The following CDKAL1 variants were observed in gnomAD, a reference collection of about 807,000 sequenced individuals.
The protein encoded by CDKAL1 is threonylcarbamoyladenosine tRNA methylthiotransferase.
A neutral mutation model predicts 68.2 loss-of-function variants in CDKAL1; 32 were observed. That is an observed-to-expected ratio of 0.47 (90% CI 0.35 to 0.63). The LOEUF is 0.63. Ranked by LOEUF, CDKAL1 falls within the 30% of genes least tolerant of loss-of-function variation. CDKAL1 has a pLI of 0.00. For synonymous variants in CDKAL1, 234 were observed against 244.3 expected (o/e 0.96, Z 0.39); for missense variants, 606 against 696.7 (o/e 0.87, Z 1.47).
chr6:20,955,599 C>T lies in CDKAL1; in HGVS notation c.909+14C>T. ...GAGCATCTGGAGGTAAGGAAAAGCA[C>T]CCTATTTGCATGCTAACATAGACAC... On this transcript the variant is annotated intron_variant, in intron 10 of 15. Transcript: ENST00000274695. 3 of 1,612,794 alleles carry T rather than the reference C, an allele frequency of 1.9e-6. No homozygotes were observed. Among genetic ancestry groups the T allele is most frequent in the Non-Finnish European group, 2.5e-6 (3 of 1,179,172 alleles).
intron 12 of CDKAL1, among the ~76,000 whole-genome samples, chr6:21,068,183 G>A (rs1771565082): frequency 6.6e-6 from 1 of 151,902 alleles, no homozygotes; most frequent in Non-Finnish European, 1.5e-5. Flanking sequence ...TCTCTTCATG[G>A]TGCCTTTTGA....
At chr6:21,083,040 A>G (rs780716952) in intron 12 of CDKAL1, among the ~76,000 whole-genome samples, 2 of 151,738 alleles carry the variant, frequency 1.3e-5, no homozygotes, top group Non-Finnish European at 2.9e-5. Flanking sequence ...CACCTGGTTA[A>G]TTTTTTGTAG....
intron 5 of CDKAL1, among the ~76,000 whole-genome samples, chr6:20,713,600 G>A (rs1771947090): frequency 6.6e-6 from 1 of 152,110 alleles, no homozygotes; most frequent in Non-Finnish European, 1.5e-5. Flanking sequence ...GATATGGTAA[G>A]CACATTTGCA....
intron 10 of CDKAL1, among the ~76,000 whole-genome samples, chr6:20,958,580 C>A (rs1764900059): frequency 6.6e-6 from 1 of 152,076 alleles, no homozygotes; most frequent in South Asian, 2.1e-4. Context: ...GGGTACTGAA[C>A]AGAGTTCACC....
At chr6:20,585,298 C>T (rs1457867273) in intron 4 of CDKAL1, among the ~76,000 whole-genome samples, 20 of 152,106 alleles carry the variant, frequency 1.3e-4, no homozygotes, top group African/African-American at 3.9e-4. Context: ...GTGATCCGCC[C>T]GCCTTGGCCT....
chr6:21,047,427 G>A (rs1428914162), intron 11 of CDKAL1, among the ~76,000 whole-genome samples: 2 of 152,148 alleles, frequency 1.3e-5, no homozygotes, highest in Non-Finnish European at 2.9e-5. Context: ...AGGACGTAAA[G>A]GAAAATATTG....
At chr6:20,567,813 A>G (rs746629586) in intron 4 of CDKAL1, among the ~76,000 whole-genome samples, 2 of 152,080 alleles carry the variant, frequency 1.3e-5, no homozygotes, top group Non-Finnish European at 2.9e-5. Context: ...TCCCAGGCTC[A>G]AGAGATCCTC....
chr6:20,929,348 G>A (rs1445379547), intron 9 of CDKAL1, among the ~76,000 whole-genome samples: 2 of 152,166 alleles, frequency 1.3e-5, no homozygotes, highest in South Asian at 2.1e-4. Context: ...TTGGGGGCAA[G>A]GATAGCATTT....
chr6:20,609,895 C>G (rs905556322), intron 4 of CDKAL1, among the ~76,000 whole-genome samples: 6 of 152,098 alleles, frequency 3.9e-5, no homozygotes, highest in African/African-American at 1.4e-4. Flanking sequence ...AGCCCAGTAT[C>G]CGTTAGTTAT....
chr6:21,076,116 G>T (rs1256208645), intron 12 of CDKAL1, among the ~76,000 whole-genome samples: 1 of 152,152 alleles, frequency 6.6e-6, no homozygotes, highest in African/African-American at 2.4e-5. Flanking sequence ...ATGTAAGGGA[G>T]TGTTTCTAAG....
chr6:21,198,145 A>G (rs763029931), intron 14 of CDKAL1, 41 bp downstream of exon 14: 1 of 1,359,410 alleles, frequency 7.4e-7, no homozygotes, highest in Non-Finnish European at 1.0e-6. Flanking sequence ...CTCCAAAGTG[A>G]GAAAGAGTTC....
intron 5 of CDKAL1, among the ~76,000 whole-genome samples, chr6:20,678,243 A>G (rs968683210): frequency 2.0e-5 from 3 of 152,146 alleles, no homozygotes; most frequent in African/African-American, 7.2e-5. Flanking sequence ...TAGATGTTCT[A>G]ATTTTATTGT....
At chr6:20,733,064 G>A (rs1323558211) in intron 5 of CDKAL1, among the ~76,000 whole-genome samples, 11 of 152,146 alleles carry the variant, frequency 7.2e-5, no homozygotes, top group Admixed American at 6.5e-4. Context: ...CTGCCCAGCC[G>A]CCCCAGTGCC....
At chr6:20,618,225 G>A (rs774831348) in intron 4 of CDKAL1, among the ~76,000 whole-genome samples, 16 of 152,194 alleles carry the variant, frequency 1.1e-4, no homozygotes, top group Admixed American at 6.5e-4. Context: ...CTTTTGAGAA[G>A]TGTCCGTTCA....
At chr6:20,863,130 T>G (rs1286608175) in intron 9 of CDKAL1, among the ~76,000 whole-genome samples, 1 of 152,208 alleles carries the variant, frequency 6.6e-6, no homozygotes, top group Non-Finnish European at 1.5e-5. Context: ...TTGGTGGGTC[T>G]TGTATGGGGC....
At chr6:20,957,807 G>A (rs1269553089) in intron 10 of CDKAL1, among the ~76,000 whole-genome samples, 2 of 151,834 alleles carry the variant, frequency 1.3e-5, no homozygotes, top group Admixed American at 6.6e-5. Flanking sequence ...CCCGTCTCTA[G>A]TAAAAACACA....
At chr6:20,551,960 C>T (rs1163726383) in intron 4 of CDKAL1, among the ~76,000 whole-genome samples, 2 of 150,882 alleles carry the variant, frequency 1.3e-5, no homozygotes, top group African/African-American at 2.4e-5. Flanking sequence ...AGCTCCTGGG[C>T]TCAAGTGGTC....
intron 4 of CDKAL1, among the ~76,000 whole-genome samples, chr6:20,560,350 T>C (rs1000712803): frequency 1.3e-5 from 2 of 152,188 alleles, no homozygotes; most frequent in Non-Finnish European, 2.9e-5. Flanking sequence ...CTTGTGCAGA[T>C]ACCCGTCTGC....
chr6:20,677,350 G>A lies in CDKAL1; in HGVS notation c.371+27973G>A, dbSNP rs546956051. On this transcript the variant is annotated intron_variant, in intron 5 of 15. Transcript: ENST00000274695. ...CTCTCAAAGTGTTGGGATTACAGGC[G>A]TGAGCCATCGTGCCTGGCTAAATTT... 1.1e-4 allele frequency among the ~76,000 whole-genome samples: 17 copies of A among 152,200 alleles called. No individual in the cohort carries two copies. In the South Asian group the frequency reaches 2.9e-3, roughly 26 times the overall value.
Sources: allele counts gnomAD v4.1 joint callset (sites outside exome capture counted in the v4.1 genomes callset), GRCh38; gene constraint gnomAD v4.1.1; transcripts MANE v1.5; gene names NCBI Gene and HGNC (gene_info 2026-07-23, HGNC 2026-07-21).